The following BRWD1 variants were observed in gnomAD, a reference collection of about 807,000 sequenced individuals.
BRWD1 encodes bromodomain and WD repeat-containing protein 1.
In BRWD1, 82 loss-of-function variants were observed where a neutral mutation model predicts 251.2. That is an observed-to-expected ratio of 0.33 (90% CI 0.27 to 0.39). The LOEUF (loss-of-function observed/expected upper bound fraction) is 0.39, where lower values mean the gene tolerates loss of function less well. Ranked by LOEUF, BRWD1 falls within the 10% of genes least tolerant of loss-of-function variation. BRWD1 has a pLI of 1.00. For synonymous variants in BRWD1, 918 were observed against 902.8 expected (o/e 1.02, Z -0.30); for missense variants, 2,233 against 2,711.6 (o/e 0.82, Z 3.92).
In BRWD1 at chr21:39,218,671, C is replaced by A; in HGVS notation, c.3383-11G>T. 1.9e-6 allele frequency: 3 copies of A among 1,556,812 alleles called. No individual in the cohort carries two copies. Among genetic ancestry groups the A allele is most frequent in the Non-Finnish European group, 1.7e-6 (2 of 1,159,252 alleles). The stretch of plus-strand genomic sequence containing the variant: ...CTTCAGGTGGATCAACTATGAATAC[C>A]ATAAAAAACAATGAGAGGAAGAAAA... On this transcript the variant is annotated splice_polypyrimidine_tract_variant and intron_variant, in intron 29 of 40. Coordinates refer to ENST00000342449, the MANE Select transcript of BRWD1 (RefSeq NM_033656.4).
intron 40 of BRWD1, 76 bp downstream of exon 40, chr21:39,198,687 G>C (rs2031947620): frequency 7.5e-7 from 1 of 1,334,710 alleles, no homozygotes; most frequent in Admixed American, 2.7e-5. Context: ...CTTTTTCGGG[G>C]GGAAAAAACC....
chr21:39,189,153 A>G lies in BRWD1; in HGVS notation c.*7106T>C. 1 of 984,390 alleles carries G rather than the reference A, an allele frequency of 1.0e-6. No individual in the cohort carries two copies. Among genetic ancestry groups the G allele is most frequent in the Non-Finnish European group, 1.2e-6 (1 of 828,926 alleles). 61.0% of individuals were successfully genotyped at this position (984,390 alleles called of 1,614,324 possible). A position where few individuals can be genotyped will look rare whatever the true frequency, so the allele number is the denominator to read the frequency against. ...GTAAATATGCTACAAAGGGTAAACA[A>G]AAATTTTAAAATATGCAAAATTAAG... On this transcript the variant is annotated 3_prime_UTR_variant, in exon 41 of 41. Coordinates refer to ENST00000342449, the MANE Select transcript of BRWD1 (RefSeq NM_033656.4).
At chr21:39,214,881 T>A (rs930833428) in intron 32 of BRWD1, among the ~76,000 whole-genome samples, 1 of 1,686 alleles carries the variant, frequency 5.9e-4, no homozygotes, top group African/African-American at 0.012. Flanking sequence ...TTTTTTTTCC[T>A]TTTTTTTTTT....
intron 29 of BRWD1, among the ~76,000 whole-genome samples, chr21:39,222,240 CAGG>C (rs575513678): frequency 1.0e-3 from 159 of 152,286 alleles, no homozygotes; most frequent in African/African-American, 3.4e-3. Flanking sequence ...ATGATATTCA[CAGG>C]AGGACTATTC....
intron 23 of BRWD1, among the ~76,000 whole-genome samples, chr21:39,233,097 A>C (rs959739880): frequency 1.3e-5 from 2 of 152,148 alleles, no homozygotes; most frequent in Non-Finnish European, 2.9e-5. Context: ...GAGGAAAATC[A>C]TAACTCAAGC....
intron 5 of BRWD1, chr21:39,297,089 A>T (rs1410342764): frequency 4.1e-6 from 4 of 985,270 alleles, no homozygotes; most frequent in South Asian, 9.4e-5. Context: ...TTCAAAGTCC[A>T]TCCCTCCTTG....
rs2031660338 is a variant in BRWD1 at position 39,193,530 on chromosome 21, A to C, written c.*2729T>G. ...AGTCTTTCCAAGAAAGCAAAAATCA[A>C]ATCTGAGTACTTCAAAGCCTGTAAA... On this transcript the variant is annotated 3_prime_UTR_variant, in exon 41 of 41. Transcript: ENST00000342449. 1.0e-6 allele frequency: 1 copy of C among 985,352 alleles called. No individual in the cohort carries two copies. Among genetic ancestry groups the C allele is most frequent in the African/African-American group, 1.7e-5 (1 of 57,220 alleles). The allele number at this position is 985,352 out of a possible 1,614,324, so 61.0% of individuals were successfully genotyped here.
chr21:39,184,813 C>T (rs1188748447), downstream of BRWD1: 1 of 152,084 alleles, frequency 6.6e-6, no homozygotes, highest in African/African-American at 2.4e-5. Context: ...ACAAGATCAC[C>T]ACAATGATGT....
At chr21:39,241,946 T>C (rs1423442331) in intron 21 of BRWD1, among the ~76,000 whole-genome samples, 1 of 152,224 alleles carries the variant, frequency 6.6e-6, no homozygotes, top group Non-Finnish European at 1.5e-5. Flanking sequence ...TCATATAAGA[T>C]AGCACACTTA....
chr21:39,276,267 T>C, intron 11 of BRWD1, 54 bp from the exon 12 acceptor site: 1 of 1,506,030 alleles, frequency 6.6e-7, no homozygotes, highest in East Asian at 2.3e-5. Flanking sequence ...GGTCTGTGAA[T>C]TTGAAAAAAT....
At position 39,190,369 on chromosome 21, in the gene BRWD1, T is replaced by G. The variant is rs182192777; in HGVS notation, c.*5890A>C. The stretch of plus-strand genomic sequence containing the variant: ...AAAATTTTCATTGGCATTTTTAAAA[T>G]TGGAGCATTTAAAACAGATTTGAGA... On this transcript the variant is annotated 3_prime_UTR_variant, in exon 41 of 41. Coordinates refer to ENST00000342449, the MANE Select transcript of BRWD1 (RefSeq NM_033656.4). 275 of 985,316 alleles carry G rather than the reference T, an allele frequency of 2.8e-4. No homozygotes were observed. The African/African-American group carries it at 4.1e-3, about 15-fold the overall frequency. 61.0% of individuals were successfully genotyped at this position (985,316 alleles called of 1,614,324 possible). A position where few individuals can be genotyped will look rare whatever the true frequency, so the allele number is the denominator to read the frequency against.
chr21:39,284,943 T>C (rs1347952846), intron 8 of BRWD1, among the ~76,000 whole-genome samples: 1 of 152,224 alleles, frequency 6.6e-6, no homozygotes, highest in Non-Finnish European at 1.5e-5. Context: ...CATTTGTCTG[T>C]TTTTGCTTTT....
At chr21:39,234,909 T>TA (rs1374055663) in intron 23 of BRWD1, among the ~76,000 whole-genome samples, 1 of 152,150 alleles carries the variant, frequency 6.6e-6, no homozygotes, top group Non-Finnish European at 1.5e-5. Flanking sequence ...ATCTCACACT[T>TA]AATCTTTTAA....
intron 27 of BRWD1, among the ~76,000 whole-genome samples, chr21:39,227,320 C>A (rs2033422857): frequency 6.6e-6 from 1 of 152,084 alleles, no homozygotes; most frequent in South Asian, 2.1e-4. Flanking sequence ...ACTTCTAACT[C>A]AATACACAAG....
Position 39,187,186 on chromosome 21 carries a change from G to A in BRWD1, c.*9073C>T, listed in dbSNP as rs2031285630. The A allele has an allele frequency of 6.2e-7, 1 of 1,613,366 alleles. No individual in the cohort carries two copies. Among genetic ancestry groups the A allele is most frequent in the Non-Finnish European group, 8.5e-7 (1 of 1,179,736 alleles). On this transcript the variant is annotated 3_prime_UTR_variant, in exon 41 of 41. Coordinates refer to ENST00000342449, the MANE Select transcript of BRWD1 (RefSeq NM_033656.4). ...AGCCGCAGCAGAAGCATTTCGATGG[G>A]GCAGTTTTCTGCTACTCTTCCTAAT...
In BRWD1 at chr21:39,270,230, A is replaced by G. The variant is rs141779994; in HGVS notation, c.1395+53T>C. 5.9e-4 allele frequency: 852 copies of G among 1,455,390 alleles called. 6 individuals carry two copies. In the African/African-American group the frequency reaches 0.011, roughly 18 times the overall value. The allele number at this position is 1,455,390 out of a possible 1,614,324, so 90.2% of individuals were successfully genotyped here. On this transcript the variant is annotated intron_variant, in intron 14 of 40. Transcript: ENST00000342449. ...ATATTATTTTTATAGCTTCAAAATT[A>G]CAATCATATTTCAAAAAATCTCATT...
rs1390954015 is a variant in BRWD1, at chr21:39,199,354, T to C, written c.5062A>G (p.Ile1688Val). The stretch of plus-strand genomic sequence containing the variant: ...TCATCTTTTAGCTCCTCTTCTTCAA[T>C]TTCTGACTTTAAGCTCTGTTCATCT... ...SEDEQSLKSE[I>V]EEEELKDENQ... Residue 1688 changes from isoleucine to valine, a missense_variant, in exon 40 of 41, where the codon ATT (isoleucine) becomes GTT (valine). Ile to Val is a conservative substitution (Grantham distance 29). Around this residue, in one of 12 missense-constraint regions of BRWD1, gnomAD observed 928 missense variants for 970.0 expected, o/e 0.96. Coordinates refer to ENST00000342449, the MANE Select transcript of BRWD1 (RefSeq NM_033656.4). The C allele has an allele frequency of 2.5e-6, 4 of 1,614,132 alleles. No individual in the cohort carries two copies. The highest frequency in any genetic ancestry group is 3.3e-5 in the Admixed American group (2 of 60,028).
Position 39,193,462 on chromosome 21 carries a change from T to C in BRWD1, c.*2797A>G. On this transcript the variant is annotated 3_prime_UTR_variant, in exon 41 of 41. Transcript: ENST00000342449. ...GCTTTGTTAACACTCATCTATCTTGTCAATGTTTGAAATCATTTTTCCTTT... is the reference window on the plus strand; with the variant it reads ...GCTTTGTTAACACTCATCTATCTTGCCAATGTTTGAAATCATTTTTCCTTT... 1 of 985,026 alleles carries C rather than the reference T, an allele frequency of 1.0e-6. No homozygotes were observed. The highest frequency in any genetic ancestry group is 1.2e-6 in the Non-Finnish European group (1 of 829,550). 61.0% of individuals were successfully genotyped at this position (985,026 alleles called of 1,614,324 possible).
At chr21:39,202,595 T>C in intron 37 of BRWD1, 50 bp from the exon 38 acceptor site, 5 of 1,333,428 alleles carry the variant, frequency 3.7e-6, no homozygotes, top group East Asian at 2.3e-5. Context: ...AATACAAAGA[T>C]AATTGGTTCA....
Sources: allele counts gnomAD v4.1 joint callset (sites outside exome capture counted in the v4.1 genomes callset), GRCh38; gene constraint gnomAD v4.1.1; regional missense constraint gnomAD v4.1.1; transcripts MANE v1.5; gene names NCBI Gene and HGNC (gene_info 2026-07-23, HGNC 2026-07-21).